The following PCDH9 variants were observed in gnomAD, a reference collection of about 807,000 sequenced individuals.
PCDH9 encodes protocadherin 9, also known as protocadherin-9.
PCDH9 carries 24 observed loss-of-function variants against 70.6 expected under a neutral mutation model. That is an observed-to-expected ratio of 0.34 (90% CI 0.25 to 0.48). The LOEUF is 0.48. Ranked by LOEUF, PCDH9 falls within the 20% of genes least tolerant of loss-of-function variation. PCDH9 has a pLI of 0.99. For missense variants in PCDH9, 1,281 were observed against 1,503.6 expected (o/e 0.85, Z 2.45); for synonymous variants, 562 against 558.5 (o/e 1.01, Z -0.09).
intron 2 of PCDH9, chr13:67,224,921 G>T (rs925558886): frequency 2.1e-5 from 21 of 997,416 alleles, no homozygotes; most frequent in Non-Finnish European, 2.5e-5. Flanking sequence ...CTACTATCCT[G>T]TTTAGAGACT....
intron 2 of PCDH9, among the ~76,000 whole-genome samples, chr13:67,174,314 G>GATAA (rs372130505): frequency 6.7e-6 from 1 of 149,468 alleles, no homozygotes; most frequent in Non-Finnish European, 1.5e-5. Flanking sequence ...TAGATAGATA[G>GATAA]ATACATACAT....
intron 4 of PCDH9, among the ~76,000 whole-genome samples, chr13:66,371,772 A>T (rs915877221): frequency 6.6e-5 from 10 of 152,022 alleles, no homozygotes; most frequent in African/African-American, 1.7e-4. Flanking sequence ...ATGAAACACT[A>T]CTTTTGATAA....
rs55837718 is a variant in PCDH9, at chr13:66,304,260, C to CAAAAAAAAAAAAAAAAAAAAAA, written c.*373_*394dup. The CAAAAAAAAAAAAAAAAAAAAAA allele has an allele frequency of 1.5e-5, 1 of 65,320 alleles. No homozygotes were observed. The highest frequency in any genetic ancestry group is 6.4e-5 in the African/African-American group (1 of 15,510). The allele number at this position is 65,320 out of a possible 1,614,324, so 4.0% of individuals were successfully genotyped here. A position where few individuals can be genotyped will look rare whatever the true frequency, so the allele number is the denominator to read the frequency against. On this transcript the variant is annotated 3_prime_UTR_variant, in exon 5 of 5. Coordinates refer to ENST00000377865, the MANE Select transcript of PCDH9 (RefSeq NM_203487.3). ...TAGCAGTCCCAGCACAAATCAATGA[C>CAAAAAAAAAAAAAAAAAAAAAA]AAAAAAAAAAAAAAAAAAAAAAAAA...
chr13:66,379,310 C>T (rs1425920660), intron 4 of PCDH9, among the ~76,000 whole-genome samples: 1 of 152,100 alleles, frequency 6.6e-6, no homozygotes, highest in Non-Finnish European at 1.5e-5. Flanking sequence ...CTTTCAATAG[C>T]AGTGTGACAC....
At chr13:66,500,020 G>A (rs1379586081) in intron 4 of PCDH9, among the ~76,000 whole-genome samples, 1 of 152,182 alleles carries the variant, frequency 6.6e-6, no homozygotes, top group Non-Finnish European at 1.5e-5. Context: ...TGCAGAAACT[G>A]AGCCAAATAA....
At chr13:66,494,216 T>G (rs1959079227) in intron 4 of PCDH9, among the ~76,000 whole-genome samples, 1 of 152,138 alleles carries the variant, frequency 6.6e-6, no homozygotes, top group Admixed American at 6.6e-5. Context: ...GTAAAGAATT[T>G]CTATCAAAAG....
chr13:67,126,044 G>A (rs1220421092), intron 2 of PCDH9, among the ~76,000 whole-genome samples: 1 of 152,082 alleles, frequency 6.6e-6, no homozygotes, highest in African/African-American at 2.4e-5. Flanking sequence ...CCATTTTCCT[G>A]ATGAGAAATT....
chr13:66,876,730 A>T, intron 3 of PCDH9: 1 of 152,132 alleles, frequency 6.6e-6, no homozygotes, highest in South Asian at 2.1e-4. Flanking sequence ...AGGTTTCTAG[A>T]GATTAAAATA....
intron 3 of PCDH9, among the ~76,000 whole-genome samples, chr13:66,746,385 GA>G (rs2079363706): frequency 6.6e-6 from 1 of 152,072 alleles, no homozygotes; most frequent in Non-Finnish European, 1.5e-5. Flanking sequence ...GTAAATATCT[GA>G]AACAATCATG....
At chr13:66,876,311 A>G (rs1029890583) in intron 3 of PCDH9, among the ~76,000 whole-genome samples, 11 of 152,192 alleles carry the variant, frequency 7.2e-5, no homozygotes, top group African/African-American at 2.7e-4. Context: ...ACATAAGATC[A>G]TAACTACAGA....
chr13:67,044,047 A>T (rs2085175086), intron 2 of PCDH9, among the ~76,000 whole-genome samples: 1 of 152,026 alleles, frequency 6.6e-6, no homozygotes, highest in African/African-American at 2.4e-5. Context: ...AATAAGATTA[A>T]CTCATTTTAA....
Position 67,225,426 on chromosome 13 carries a change from C to G in PCDH9, c.3015G>C (p.Lys1005Asn). The G allele has an allele frequency of 6.2e-7, 1 of 1,614,016 alleles. No individual in the cohort carries two copies. The highest frequency in any genetic ancestry group is 8.5e-7 in the Non-Finnish European group (1 of 1,179,980). The change falls in exon 2 of 5, where the codon AAG (lysine) becomes AAC (asparagine). Residue 1005 changes from lysine to asparagine, a missense_variant. Physicochemically the swap from Lys to Asn is moderately conservative, Grantham distance 94. Around this residue, in one of 4 missense-constraint regions of PCDH9, gnomAD observed 12 missense variants for 29.9 expected, o/e 0.40. Coordinates refer to ENST00000377865, the MANE Select transcript of PCDH9 (RefSeq NM_203487.3). ...ECSSQGGFKT[K>N]GPLHTRQCNS... ...TTACCTGTCTGGTGTGTAAGGGGCCCTTTGTCTTGAAGCCTCCTTGGGAAC... is the reference window on the plus strand; with the variant it reads ...TTACCTGTCTGGTGTGTAAGGGGCCGTTTGTCTTGAAGCCTCCTTGGGAAC...
At chr13:66,720,344 G>A (rs866740469) in intron 3 of PCDH9, among the ~76,000 whole-genome samples, 80 of 98,314 alleles carry the variant, frequency 8.1e-4, no homozygotes, top group African/African-American at 3.0e-3. Flanking sequence ...TTTTTTTTTG[G>A]TAGAGACAGG....
intron 4 of PCDH9, among the ~76,000 whole-genome samples, chr13:66,485,004 GTTAT>G (rs1277715031): frequency 1.3e-5 from 2 of 152,020 alleles, no homozygotes; most frequent in African/African-American, 2.4e-5. Context: ...TGCAATTTTT[GTTAT>G]TTATGTTTTC....
intron 2 of PCDH9, among the ~76,000 whole-genome samples, chr13:66,937,604 C>T (rs2082937877): frequency 6.6e-6 from 1 of 152,196 alleles, no homozygotes; most frequent in African/African-American, 2.4e-5. Context: ...TGTGGATGAA[C>T]TGTAACCTAG....
chr13:66,580,484 C>A (rs1477110999), intron 4 of PCDH9, among the ~76,000 whole-genome samples: 1 of 151,816 alleles, frequency 6.6e-6, no homozygotes, highest in Non-Finnish European at 1.5e-5. Flanking sequence ...AATGAAGTGC[C>A]TAATATTGTC....
chr13:66,566,570 C>T (rs2076655372), intron 4 of PCDH9, among the ~76,000 whole-genome samples: 1 of 152,080 alleles, frequency 6.6e-6, no homozygotes, highest in African/African-American at 2.4e-5. Context: ...AAAACTCAAA[C>T]AAATAAAGTA....
intron 2 of PCDH9, among the ~76,000 whole-genome samples, chr13:66,954,932 T>G (rs1594308432): frequency 6.6e-6 from 1 of 152,160 alleles, no homozygotes; most frequent in East Asian, 1.9e-4. Context: ...CCCGGCTAAT[T>G]TTTTGTATTT....
At chr13:66,452,348 C>T (rs1958230872) in intron 4 of PCDH9, among the ~76,000 whole-genome samples, 1 of 152,084 alleles carries the variant, frequency 6.6e-6, no homozygotes, top group Non-Finnish European at 1.5e-5. Context: ...TAAACATGCC[C>T]CTCCAAACAA....
Sources: allele counts gnomAD v4.1 joint callset (sites outside exome capture counted in the v4.1 genomes callset), GRCh38; gene constraint gnomAD v4.1.1; regional missense constraint gnomAD v4.1.1; transcripts MANE v1.5; gene names NCBI Gene and HGNC (gene_info 2026-07-23, HGNC 2026-07-21).